Variants in GPHN observed in about 807,000 individuals in gnomAD.
GPHN encodes gephyrin.
Under a neutral mutation model 95.5 loss-of-function variants are expected in GPHN, and 17 were observed. That is an observed-to-expected ratio of 0.18 (90% CI 0.12 to 0.27). GPHN has a LOEUF of 0.27. Among genes scored for constraint, GPHN ranks in the 10% least tolerant of loss-of-function variants. The probability of loss-of-function intolerance (pLI) is 1.00; values close to 1 mark genes in which losing one functional copy is unlikely to be tolerated. For missense variants in GPHN, 660 were observed against 978.1 expected, an observed-to-expected ratio of 0.67 and a Z score of 4.34; for synonymous variants, 320 against 322.5, an observed-to-expected ratio of 0.99 and a Z score of 0.08.
intron 12 of GPHN, among the ~76,000 whole-genome samples, chr14:67,098,112 G>A (rs1393964435): frequency 6.6e-6 from 1 of 151,792 alleles, no homozygotes; most frequent in Non-Finnish European, 1.5e-5. Flanking sequence ...CCTGCACGTT[G>A]TGCACATGTA....
chr14:66,726,089 C>T (rs947726498), intron 2 of GPHN, among the ~76,000 whole-genome samples: 2 of 152,194 alleles, frequency 1.3e-5, no homozygotes, highest in African/African-American at 2.4e-5. Flanking sequence ...ACTGCTAACA[C>T]ATTTTAAAAT....
chr14:66,929,113 T>C (rs2066644986), intron 8 of GPHN, among the ~76,000 whole-genome samples: 1 of 150,148 alleles, frequency 6.7e-6, no homozygotes, highest in Non-Finnish European at 1.5e-5. Context: ...TAGAGTACAG[T>C]GGGGCATTCT....
chr14:67,646,581 T>C, the GPHN span: 6 of 1,363,630 alleles, frequency 4.4e-6, no homozygotes, highest in Admixed American at 1.7e-5. Flanking sequence ...CGGACGCACA[T>C]GATAATGATC....
At chr14:66,978,927 A>G (rs1360448125) in intron 9 of GPHN, among the ~76,000 whole-genome samples, 2 of 152,234 alleles carry the variant, frequency 1.3e-5, no homozygotes, top group Non-Finnish European at 2.9e-5. Flanking sequence ...AGCAGGCATG[A>G]AAACATTATC....
At chr14:67,049,047 A>G (rs1313045389) in intron 10 of GPHN, among the ~76,000 whole-genome samples, 3 of 152,114 alleles carry the variant, frequency 2.0e-5, no homozygotes, top group Non-Finnish European at 4.4e-5. Context: ...AAGGGGTTTT[A>G]TGGGCTACCG....
At chr14:66,652,398 GATATA>G (rs1423653601) in intron 1 of GPHN, among the ~76,000 whole-genome samples, 2 of 151,702 alleles carry the variant, frequency 1.3e-5, no homozygotes, top group Non-Finnish European at 2.9e-5. Context: ...GTATATATTT[GATATA>G]ATATACCATA....
chr14:67,674,805 G>A, the GPHN span: 18 of 246,512 alleles, frequency 7.3e-5, no homozygotes, highest in South Asian at 2.3e-3. Flanking sequence ...GCCGGGTCCG[G>A]GTTGGGGAAA....
At chr14:66,734,031 A>G (rs968680845) in intron 2 of GPHN, among the ~76,000 whole-genome samples, 7 of 152,180 alleles carry the variant, frequency 4.6e-5, no homozygotes, top group African/African-American at 9.7e-5. Flanking sequence ...TATCTATTCT[A>G]CCATCACCCT....
At chr14:66,563,425 A>C (rs2060345346) in intron 1 of GPHN, among the ~76,000 whole-genome samples, 1 of 152,154 alleles carries the variant, frequency 6.6e-6, no homozygotes, top group South Asian at 2.1e-4. Flanking sequence ...TGAATACTAG[A>C]TTTCATCTTA....
At chr14:67,469,661 G>A in the GPHN span, among the ~76,000 whole-genome samples, 6 of 151,930 alleles carry the variant, frequency 3.9e-5, no homozygotes, top group Admixed American at 3.3e-4. Flanking sequence ...GGTGGTGGTG[G>A]TGGTGGTGGT....
At chr14:67,527,969 G>A in the GPHN span, among the ~76,000 whole-genome samples, 1 of 152,106 alleles carries the variant, frequency 6.6e-6, no homozygotes, top group South Asian at 2.1e-4. Flanking sequence ...GCCCTGTACT[G>A]AGCCACCTAC....
the GPHN span, among the ~76,000 whole-genome samples, chr14:67,474,841 A>G: frequency 3.9e-5 from 6 of 152,038 alleles, no homozygotes; most frequent in African/African-American, 1.5e-4. Flanking sequence ...GGCTTAGCAT[A>G]ACTGGCTTAG....
At chr14:66,564,565 G>A (rs930999977) in intron 1 of GPHN, among the ~76,000 whole-genome samples, 1 of 152,242 alleles carries the variant, frequency 6.6e-6, no homozygotes, top group African/African-American at 2.4e-5. Context: ...TTGAAAGCAA[G>A]GAGTAGGAGG....
At chr14:67,636,979 A>G in the GPHN span, among the ~76,000 whole-genome samples, 3 of 152,240 alleles carry the variant, frequency 2.0e-5, no homozygotes, top group Non-Finnish European at 2.9e-5. Context: ...TCCCACAGGC[A>G]TAACAGCCAG....
chr14:66,800,973 A>G (rs1399988400), intron 3 of GPHN, among the ~76,000 whole-genome samples: 1 of 152,178 alleles, frequency 6.6e-6, no homozygotes, highest in Non-Finnish European at 1.5e-5. Flanking sequence ...CTGCTGTTAA[A>G]GGACTTTGAT....
chr14:66,811,557 AAAAG>A (rs200777787), intron 3 of GPHN, among the ~76,000 whole-genome samples: 6,937 of 140,230 alleles, frequency 0.049, 323 homozygotes, highest in African/African-American at 0.15. Context: ...AAAAAAAAAA[AAAAG>A]AAACAAAATA....
At chr14:67,367,987 G>T in the GPHN span, among the ~76,000 whole-genome samples, 1 of 152,196 alleles carries the variant, frequency 6.6e-6, no homozygotes, top group Non-Finnish European at 1.5e-5. Flanking sequence ...ATTTGTGCCT[G>T]TGGGATTGTA....
rs990842037 is a variant in GPHN at position 66,871,077 on chromosome 14, G to A, written c.295-8862G>A. Among the ~76,000 whole-genome samples the A allele has an allele frequency of 4.6e-5, 7 of 152,128 alleles. No individual in the cohort carries two copies. In the East Asian group the frequency reaches 5.8e-4, roughly 13 times the overall value. ...CACATCTCTTTTAGGCAATTCTCAC[G>A]TATCATTTGTCAATTGAGTTTTTCA... is the stretch of plus-strand genomic sequence containing the variant. On this transcript the variant is annotated intron_variant, in intron 4 of 22. Coordinates refer to ENST00000478722, the MANE Select transcript of GPHN (RefSeq NM_020806.5).
the GPHN span, among the ~76,000 whole-genome samples, chr14:67,661,265 T>C: frequency 0.012 from 1,448 of 122,030 alleles, 43 homozygotes; most frequent in African/African-American, 0.04. Context: ...CTCTTGCTTC[T>C]ATAGGGCTAG....
Sources: gnomAD v4.1 joint callset for allele counts (sites outside exome capture counted in the v4.1 genomes callset) on GRCh38, gnomAD v4.1.1 for gene constraint, MANE v1.5 for transcripts, NCBI Gene and HGNC (gene_info 2026-07-23, HGNC 2026-07-21) for gene names.